Variants in SGMS1 observed in about 807,000 individuals in gnomAD.
The protein encoded by SGMS1 is phosphatidylcholine:ceramide cholinephosphotransferase 1.
In SGMS1, 13 loss-of-function variants were observed where a neutral mutation model predicts 46.2. The observed-to-expected ratio is 0.28, with a 90% CI of 0.18 to 0.45. SGMS1 has a LOEUF of 0.45. SGMS1 is among the 20% of genes least tolerant of loss of function. The pLI is 1.00. For missense variants in SGMS1, 324 were observed against 519.9 expected (o/e 0.62, Z 3.66); for synonymous variants, 203 against 187.8 (o/e 1.08, Z -0.66).
At chr10:50,549,800 C>T (rs1031359637) in intron 2 of SGMS1, among the ~76,000 whole-genome samples, 1 of 152,098 alleles carries the variant, frequency 6.6e-6, no homozygotes, top group African/African-American at 2.4e-5. Context: ...TGTGTTCTCC[C>T]AGGTTTATGC....
chr10:50,625,026 G>A, upstream of SGMS1: 1 of 1,005,030 alleles, frequency 9.9e-7, no homozygotes. Context: ...CCCCCGCCAC[G>A]CCCTCCCATC....
chr10:50,410,026 C>T (rs1218490985), intron 6 of SGMS1, among the ~76,000 whole-genome samples: 1 of 152,076 alleles, frequency 6.6e-6, no homozygotes, highest in East Asian at 1.9e-4. Context: ...GTAATCTGTG[C>T]AATTTAAATG....
In SGMS1 at chr10:50,607,973, A is replaced by G. The variant is rs532508321; in HGVS notation, c.-684+15734T>C. ...CCTCCTCCAACTCAGATCAAAGTCA[A>G]CATCCACCCAGTATCACAAACATTA... On this transcript the variant is annotated intron_variant, in intron 1 of 10. Coordinates refer to ENST00000361781, the MANE Select transcript of SGMS1 (RefSeq NM_147156.4). Among the ~76,000 whole-genome samples the G allele has an allele frequency of 8.5e-5, 13 of 152,358 alleles. No homozygotes were observed. The South Asian group carries it at 2.5e-3, about 29-fold the overall frequency.
intron 1 of SGMS1, among the ~76,000 whole-genome samples, chr10:50,618,150 G>A (rs1838815791): frequency 1.3e-5 from 2 of 152,150 alleles, no homozygotes; most frequent in South Asian, 4.1e-4. Context: ...TAGGAAAACT[G>A]TCTCACAGAA....
chr10:50,352,992 C>G (rs561526088), intron 6 of SGMS1, among the ~76,000 whole-genome samples: 1 of 152,076 alleles, frequency 6.6e-6, no homozygotes, highest in South Asian at 2.1e-4. Flanking sequence ...GATTCACAGC[C>G]GAATTCTACC....
chr10:50,308,543 C>A (rs995442842), intron 9 of SGMS1, among the ~76,000 whole-genome samples: 2 of 151,996 alleles, frequency 1.3e-5, no homozygotes, highest in African/African-American at 4.8e-5. Context: ...GCCCACAGAG[C>A]CTAATACAAG....
intron 2 of SGMS1, among the ~76,000 whole-genome samples, chr10:50,566,801 G>T (rs114034160): frequency 6.6e-6 from 1 of 152,148 alleles, no homozygotes; most frequent in Non-Finnish European, 1.5e-5. Flanking sequence ...GATGTAAAAC[G>T]GTGAAGCATT....
chr10:50,494,461 A>T (rs1837593294), intron 3 of SGMS1, among the ~76,000 whole-genome samples: 1 of 152,186 alleles, frequency 6.6e-6, no homozygotes, highest in South Asian at 2.1e-4. Context: ...AAAGAACAAG[A>T]TCATGTCCTT....
chr10:50,624,196 G>A (rs1055833891), upstream of SGMS1: 24 of 870,282 alleles, frequency 2.8e-5, no homozygotes, highest in South Asian at 5.2e-5. Flanking sequence ...GTTTTTAGGG[G>A]CCCACTAAGT....
At chr10:50,597,189 C>T (rs565667214) in intron 1 of SGMS1, among the ~76,000 whole-genome samples, 28 of 152,108 alleles carry the variant, frequency 1.8e-4, no homozygotes, top group African/African-American at 6.3e-4. Flanking sequence ...GTAATGGGCA[C>T]AAGATGTATG....
chr10:50,507,753 C>G (rs765154754), intron 3 of SGMS1, among the ~76,000 whole-genome samples: 3 of 152,210 alleles, frequency 2.0e-5, no homozygotes, highest in Non-Finnish European at 4.4e-5. Flanking sequence ...GCCTGCCAGG[C>G]TAGACTAAAT....
chr10:50,413,120 T>C (rs376098455), intron 6 of SGMS1, among the ~76,000 whole-genome samples: 13 of 152,218 alleles, frequency 8.5e-5, no homozygotes, highest in Non-Finnish European at 1.6e-4. Flanking sequence ...AAGTTATCTC[T>C]TGTGACTGTG....
chr10:50,363,913 T>C (rs773949356), intron 6 of SGMS1, among the ~76,000 whole-genome samples: 76 of 151,446 alleles, frequency 5.0e-4, no homozygotes, highest in Middle Eastern at 3.4e-3. Context: ...GAGATGAAGA[T>C]AAAAAACAAA....
chr10:50,532,077 C>A (rs190501506), intron 2 of SGMS1, among the ~76,000 whole-genome samples: 374 of 152,218 alleles, frequency 2.5e-3, no homozygotes, highest in African/African-American at 8.7e-3. Context: ...AAAATTGGTT[C>A]CTGGTCAGGG....
At chr10:50,357,278 C>T (rs1210326991) in intron 6 of SGMS1, among the ~76,000 whole-genome samples, 2 of 151,564 alleles carry the variant, frequency 1.3e-5, no homozygotes, top group Non-Finnish European at 2.9e-5. Flanking sequence ...CAAAGCCAAG[C>T]AGGTCTTTAA....
chr10:50,408,306 T>C (rs1376573006), intron 6 of SGMS1, among the ~76,000 whole-genome samples: 3 of 151,654 alleles, frequency 2.0e-5, no homozygotes, highest in Non-Finnish European at 4.4e-5. Flanking sequence ...AGTCACAGTT[T>C]AAAAACATTA....
At chr10:50,485,432 G>A (rs1245348271) in intron 3 of SGMS1, among the ~76,000 whole-genome samples, 1 of 152,166 alleles carries the variant, frequency 6.6e-6, no homozygotes, top group Admixed American at 6.5e-5. Flanking sequence ...CCATGCTCAT[G>A]GATAGGAAGA....
At chr10:50,400,016 G>A (rs1182881079) in intron 6 of SGMS1, among the ~76,000 whole-genome samples, 1 of 145,228 alleles carries the variant, frequency 6.9e-6, no homozygotes, top group African/African-American at 2.5e-5. Flanking sequence ...GCGACACAGT[G>A]AGACTCCTTC....
chr10:50,462,104 GA>G lies in SGMS1; in HGVS notation c.-454-1291del, dbSNP rs955448262. Among the ~76,000 whole-genome samples, 3 of 150,248 alleles carry G rather than the reference GA, an allele frequency of 2.0e-5. No individual in the cohort carries two copies. The South Asian group carries it at 6.3e-4, about 32-fold the overall frequency. Reference sequence around the variant, plus strand: ...AAACGAGACCTCATATCTACAAAAAGAAAAAAAAATAACAATGCACAGTGGT... The same window carrying G: ...AAACGAGACCTCATATCTACAAAAAGAAAAAAAATAACAATGCACAGTGGT... On this transcript the variant is annotated intron_variant, in intron 4 of 10. Coordinates refer to ENST00000361781, the MANE Select transcript of SGMS1 (RefSeq NM_147156.4).
Sources: gnomAD v4.1 joint callset for allele counts (sites outside exome capture counted in the v4.1 genomes callset) on GRCh38, gnomAD v4.1.1 for gene constraint, MANE v1.5 for transcripts, NCBI Gene and HGNC (gene_info 2026-07-23, HGNC 2026-07-21) for gene names.